The following TAF1 variants were observed in gnomAD, a reference collection of about 807,000 sequenced individuals.
TAF1 encodes the protein TATA-box binding protein associated factor 1.
A neutral mutation model predicts 138.5 loss-of-function variants in TAF1; 2 were observed. That is an observed-to-expected ratio of 0.01 (90% CI 0.01 to 0.05). The LOEUF is 0.05. TAF1 is among the 10% of genes least tolerant of loss of function. The pLI, the probability that TAF1 is intolerant of heterozygous loss-of-function variation, is 1.00. For synonymous variants in TAF1, 437 were observed against 503.2 expected (o/e 0.87, Z 1.76); for missense variants, 709 against 1,478.0 (o/e 0.48, Z 8.53).
At chrX:71,437,835 T>C (rs1403821381) in intron 32 of TAF1, among the ~76,000 whole-genome samples, 2 of 91,108 alleles carry the variant, frequency 2.2e-5, no homozygotes, top group Non-Finnish European at 4.4e-5. Context: ...TCATTTTAAC[T>C]TTTTTTTTTT....
rs777526134 is a variant in TAF1 at position 71,454,709 on chromosome X, T to C, written c.4822-32T>C. ...TTGTATCCCCAGTACTTAAAATACATGTTGAATGAATTTATTTTCTTTGTT... is the reference window on the plus strand; with the variant it reads ...TTGTATCCCCAGTACTTAAAATACACGTTGAATGAATTTATTTTCTTTGTT... On this transcript the variant is annotated intron_variant, in intron 33 of 37. Coordinates refer to ENST00000423759, the MANE Select transcript of TAF1 (RefSeq NM_004606.5). 6.0e-6 allele frequency: 7 copies of C among 1,157,867 alleles called. No individual in the cohort carries two copies. In the African/African-American group the frequency reaches 1.3e-4, roughly 21 times the overall value.
chrX:71,508,761 T>TGC (rs900185220), intron 13 of TAF1, among the ~76,000 whole-genome samples: 4 of 105,676 alleles, frequency 3.8e-5, no homozygotes, highest in Non-Finnish European at 7.7e-5. Flanking sequence ...TGTGTGTGTG[T>TGC]GCGCGCATAT....
At chrX:71,400,849 A>C (rs2035139769) in intron 24 of TAF1, among the ~76,000 whole-genome samples, 3 of 112,356 alleles carry the variant, frequency 2.7e-5, no homozygotes, top group Admixed American at 9.5e-5. Context: ...GCATTAGATA[A>C]GTGTGATACA....
rs12388006 is a variant in TAF1 at position 71,375,644 on chromosome X, T to A, written c.472+358T>A. Among the ~76,000 whole-genome samples the A allele has an allele frequency of 5.4e-5, 6 of 111,789 alleles. No homozygotes were observed. In the Admixed American group the frequency reaches 5.7e-4, roughly 11 times the overall value. ...AGGAATTTAATTAAATTAATTAAAA[T>A]TTTTTTGAGAAAGAGTCTTGCTGTG... On this transcript the variant is annotated intron_variant, in intron 4 of 37. Transcript: ENST00000423759.
At position 71,428,030 on chromosome X, in the gene TAF1, T is replaced by G. The variant is rs1379143727; in HGVS notation, c.4753+3792T>G. ...AGCTCAATTTTTTTTTTTTTTTTTT[T>G]TCTGAGATGGAGTCTTGCTCTGTCG... On this transcript the variant is annotated intron_variant, in intron 32 of 37. Transcript: ENST00000423759. Among the ~76,000 whole-genome samples the G allele has an allele frequency of 3.0e-5, 3 of 100,217 alleles. No individual in the cohort carries two copies. In the East Asian group the frequency reaches 9.6e-4, roughly 32 times the overall value. 87.0% of individuals were successfully genotyped at this position (100,217 alleles called of 115,157 possible). A position where few individuals can be genotyped will look rare whatever the true frequency, so the allele number is the denominator to read the frequency against.
At chrX:71,456,737 G>A (rs1436289392) in intron 34 of TAF1, among the ~76,000 whole-genome samples, 7 of 85,596 alleles carry the variant, frequency 8.2e-5, no homozygotes, top group Admixed American at 1.6e-4. Flanking sequence ...GTGCAATGGC[G>A]CAATCTCGGC....
chrX:71,515,305 C>T (rs919580729), intron 13 of TAF1, among the ~76,000 whole-genome samples: 2 of 111,204 alleles, frequency 1.8e-5, no homozygotes, highest in Admixed American at 9.6e-5. Flanking sequence ...TAGGTTTTTC[C>T]GTTCAGTTTA....
chrX:71,434,141 G>A (rs945886947), intron 32 of TAF1, among the ~76,000 whole-genome samples: 5 of 112,045 alleles, frequency 4.5e-5, no homozygotes, highest in Non-Finnish European at 9.4e-5. Context: ...GGCCAAGGCA[G>A]GAGGATCTCT....
At chrX:71,449,497 TTAAAG>T (rs1421513189) in intron 32 of TAF1, among the ~76,000 whole-genome samples, 2 of 112,551 alleles carry the variant, frequency 1.8e-5, no homozygotes, top group Non-Finnish European at 3.8e-5. Flanking sequence ...TCAAAATGGA[TTAAAG>T]TAAGAGAGAA....
At chrX:71,446,690 T>A (rs935038774) in intron 32 of TAF1, among the ~76,000 whole-genome samples, 1 of 112,421 alleles carries the variant, frequency 8.9e-6, no homozygotes, top group Admixed American at 9.5e-5. Context: ...TGGAATGGTG[T>A]TTCATTTTTG....
chrX:71,394,121 A>G lies in TAF1; in HGVS notation c.3282A>G (p.Glu1094=). Residue 1094 remains glutamate, a synonymous_variant, in exon 22 of 38, where the codon GAA becomes GAG. Transcript: ENST00000423759. ...LSTDTDSSSA[E]DSDFEEMGKN... ...CTGACACAGACAGCAGCTCAGCTGA[A>G]GATAGTGACTTTGAAGAAATGGGAA... The G allele has an allele frequency of 8.3e-7, 1 of 1,212,121 alleles. No homozygotes were observed. Among genetic ancestry groups the G allele is most frequent in the Non-Finnish European group, 1.1e-6 (1 of 895,616 alleles).
chrX:71,473,602 T>C (rs1463036784), intron 13 of TAF1, among the ~76,000 whole-genome samples: 1 of 109,796 alleles, frequency 9.1e-6, no homozygotes, highest in Non-Finnish European at 1.9e-5. Context: ...CACTTTACCC[T>C]AGGAGTTCGA....
At chrX:71,385,937 G>A (rs1308606968) in intron 14 of TAF1, among the ~76,000 whole-genome samples, 1 of 111,116 alleles carries the variant, frequency 9.0e-6, no homozygotes, top group Non-Finnish European at 1.9e-5. Flanking sequence ...CGAGGTGGGC[G>A]AATCACCTGA....
chrX:71,411,062 C>T (rs1282895276), intron 28 of TAF1, among the ~76,000 whole-genome samples: 2 of 110,678 alleles, frequency 1.8e-5, no homozygotes, highest in African/African-American at 6.6e-5. Flanking sequence ...GGATTACAGG[C>T]GTGAGCCACT....
chrX:71,439,426 T>C (rs1437391499), intron 32 of TAF1, among the ~76,000 whole-genome samples: 1 of 111,937 alleles, frequency 8.9e-6, no homozygotes, highest in Admixed American at 9.6e-5. Flanking sequence ...ACCTATCATC[T>C]ACATTTCTGT....
chrX:71,468,172 G>A (rs1376445524), downstream of TAF1, among the ~76,000 whole-genome samples: 2 of 109,512 alleles, frequency 1.8e-5, no homozygotes, highest in Non-Finnish European at 3.8e-5. Context: ...TGGGAGGATC[G>A]CTTGAGCCCA....
chrX:71,426,034 C>T (rs1055732850), intron 32 of TAF1, among the ~76,000 whole-genome samples: 16 of 107,786 alleles, frequency 1.5e-4, no homozygotes, highest in Non-Finnish European at 2.1e-4. Context: ...CCAAGGCGGG[C>T]GGATCATTTG....
chrX:71,478,374 T>C (rs978302730), intron 13 of TAF1, among the ~76,000 whole-genome samples: 1 of 110,397 alleles, frequency 9.1e-6, no homozygotes, highest in Non-Finnish European at 1.9e-5. Context: ...ATAACTATCC[T>C]GGCCAACTGC....
chrX:71,518,634 G>A (rs1330085700), intron 13 of TAF1, among the ~76,000 whole-genome samples: 1 of 107,855 alleles, frequency 9.3e-6, no homozygotes, highest in Non-Finnish European at 1.9e-5. Context: ...ACTTCAACAT[G>A]ACTATAAAAT....
Sources: gnomAD v4.1 joint callset for allele counts (sites outside exome capture counted in the v4.1 genomes callset) on GRCh38, gnomAD v4.1.1 for gene constraint, MANE v1.5 for transcripts, NCBI Gene and HGNC (gene_info 2026-07-23, HGNC 2026-07-21) for gene names.